The following TAF15 variants were observed in gnomAD, a reference collection of about 807,000 sequenced individuals.
The protein encoded by TAF15 is TATA-binding protein-associated factor 2N.
Under a neutral mutation model 102.5 loss-of-function variants are expected in TAF15, and 37 were observed. The ratio of observed to expected loss-of-function variants is 0.36; its 90% CI spans 0.28 to 0.47. TAF15 has a LOEUF of 0.47. TAF15 is among the 20% of genes least tolerant of loss of function. The pLI is 0.99. For synonymous variants in TAF15, 273 were observed against 259.2 expected (o/e 1.05, Z -0.51); for missense variants, 652 against 760.7 (o/e 0.86, Z 1.68).
chr17:35,818,197 G>A (rs764631740), intron 2 of TAF15, among the ~76,000 whole-genome samples: 46 of 152,162 alleles, frequency 3.0e-4, no homozygotes, highest in African/African-American at 9.2e-4. Context: ...GCAGGTTCAC[G>A]CCATTCTCTG....
chr17:35,816,067 T>C (rs924419433), intron 1 of TAF15, among the ~76,000 whole-genome samples: 1 of 152,176 alleles, frequency 6.6e-6, no homozygotes, highest in Non-Finnish European at 1.5e-5. Flanking sequence ...GCTCAAGCAG[T>C]ACTCCTGTCC....
chr17:35,826,871 T>C (rs1168584170), intron 7 of TAF15, among the ~76,000 whole-genome samples: 2 of 150,488 alleles, frequency 1.3e-5, no homozygotes, highest in Non-Finnish European at 2.9e-5. Flanking sequence ...GTTCATATTA[T>C]TTTTATGTGT....
At chr17:35,839,905 A>G (rs1283543931) in intron 11 of TAF15, among the ~76,000 whole-genome samples, 1 of 152,056 alleles carries the variant, frequency 6.6e-6, no homozygotes, top group African/African-American at 2.4e-5. Context: ...GTTGCACCCT[A>G]ATTTAACAGT....
At chr17:35,820,298 C>T (rs751949377) in intron 4 of TAF15, 34 bp from the exon 5 acceptor site, 3 of 1,613,358 alleles carry the variant, frequency 1.9e-6, no homozygotes, top group East Asian at 2.2e-5. Context: ...AAAATCAGAG[C>T]CTTCACTAAA....
At chr17:35,822,331 T>G in intron 5 of TAF15, among the ~76,000 whole-genome samples, 1 of 141,768 alleles carries the variant, frequency 7.1e-6, no homozygotes, top group Admixed American at 7.2e-5. Context: ...GCAACAAGAG[T>G]GAACCTCTGT....
At position 35,832,090 on chromosome 17, in the gene TAF15, CAAAAAA is replaced by C. The variant is rs372590905; in HGVS notation, c.606-1813_606-1808del. On this transcript the variant is annotated intron_variant, in intron 7 of 15. Transcript: ENST00000605844. ...AAGACTCCGTCTGGGAAAAAACAAA[CAAAAAA>C]AAACCTCTGAGATACCTTGGTTTCT... Among the ~76,000 whole-genome samples the C allele has an allele frequency of 2.9e-3, 433 of 150,820 alleles. 6 individuals are homozygous for C. Among genetic ancestry groups the C allele is most frequent in the African/African-American group, 9.5e-3 (391 of 41,172 alleles).
chr17:35,827,335 CAAAAAAA>C (rs745381454), intron 7 of TAF15, among the ~76,000 whole-genome samples: 1 of 67,086 alleles, frequency 1.5e-5, no homozygotes. Flanking sequence ...GACTCCGTCG[CAAAAAAA>C]AAAAAAAAAA....
chr17:35,819,957 C>G (rs1480579683), intron 2 of TAF15, 67 bp from the exon 3 acceptor site: 3 of 1,416,496 alleles, frequency 2.1e-6, no homozygotes, highest in Non-Finnish European at 2.0e-6. Flanking sequence ...AAAATGAAGG[C>G]AAGGTCTTCA....
At chr17:35,825,596 A>G (rs1215623833) in intron 7 of TAF15, among the ~76,000 whole-genome samples, 1 of 152,224 alleles carries the variant, frequency 6.6e-6, no homozygotes, top group East Asian at 1.9e-4. Flanking sequence ...TTATTAAACT[A>G]TCACTGTGTC....
At chr17:35,834,911 A>T (rs2087456231) in intron 9 of TAF15, among the ~76,000 whole-genome samples, 3 of 151,624 alleles carry the variant, frequency 2.0e-5, no homozygotes. Context: ...ATGCCCTGCT[A>T]ATTTTTGTAT....
chr17:35,827,304 C>T (rs1358862674), intron 7 of TAF15, among the ~76,000 whole-genome samples: 1 of 150,494 alleles, frequency 6.6e-6, no homozygotes. Context: ...CCACTGCACT[C>T]CAACCTGGGC....
At chr17:35,817,416 A>T (rs756879141) in intron 1 of TAF15, 10 of 360,200 alleles carry the variant, frequency 2.8e-5, no homozygotes, top group Non-Finnish European at 4.6e-5. Context: ...TTTTGTATAT[A>T]ATAATATTGC....
At chr17:35,809,655 G>A in intron 1 of TAF15, 79 bp downstream of exon 1, 1 of 1,602,102 alleles carries the variant, frequency 6.2e-7, no homozygotes, top group Non-Finnish European at 8.5e-7. Context: ...CCCACCGGAG[G>A]GCCCTGAGGA....
In TAF15 at chr17:35,847,080, G is replaced by A; in HGVS notation, c.*135G>A. 1 of 761,180 alleles carries A rather than the reference G, an allele frequency of 1.3e-6. No homozygotes were observed. The highest frequency in any genetic ancestry group is 1.5e-5 in the South Asian group (1 of 67,076). 47.2% of individuals were successfully genotyped at this position (761,180 alleles called of 1,614,324 possible). On this transcript the variant is annotated 3_prime_UTR_variant, in exon 16 of 16. Coordinates refer to ENST00000605844, the MANE Select transcript of TAF15 (RefSeq NM_139215.3). ...ATTTGGATTTTTATTTGGGTGGGAGGGCTGGGACAGTTTTTCTTCTAGAAA... is the reference window on the plus strand; with the variant it reads ...ATTTGGATTTTTATTTGGGTGGGAGAGCTGGGACAGTTTTTCTTCTAGAAA...
chr17:35,841,169 A>G (rs2087538543), intron 11 of TAF15, among the ~76,000 whole-genome samples: 1 of 149,656 alleles, frequency 6.7e-6, no homozygotes, highest in African/African-American at 2.5e-5. Flanking sequence ...TTGTTATATT[A>G]CTTTGGAAAT....
chr17:35,818,984 A>G (rs566329013), intron 2 of TAF15, among the ~76,000 whole-genome samples: 5 of 152,280 alleles, frequency 3.3e-5, no homozygotes, highest in African/African-American at 1.2e-4. Context: ...GTAAAAAGGA[A>G]GTTCTATTTT....
At chr17:35,810,095 A>C (rs1418798512) in intron 1 of TAF15, 6 of 210,970 alleles carry the variant, frequency 2.8e-5, no homozygotes, top group Non-Finnish European at 5.8e-5. Context: ...GAGCCCTTTC[A>C]AAGGACGTTG....
In TAF15 at chr17:35,844,271, C is replaced by CT; in HGVS notation, c.1089-6dup. The CT allele has an allele frequency of 6.2e-7, 1 of 1,614,076 alleles. No individual in the cohort carries two copies. Among genetic ancestry groups the CT allele is most frequent in the Non-Finnish European group, 8.5e-7 (1 of 1,179,940 alleles). On this transcript the variant is annotated splice_polypyrimidine_tract_variant and intron_variant, in intron 13 of 15. Coordinates refer to ENST00000605844, the MANE Select transcript of TAF15 (RefSeq NM_139215.3). Reference sequence around the variant, plus strand: ...TATATAGGAGCATTATATTTTCCTCCTTTCTTAGGTCATGCGGAAATATGA... The same window carrying CT: ...TATATAGGAGCATTATATTTTCCTCCTTTTCTTAGGTCATGCGGAAATATGA...
chr17:35,824,241 CTT>C (rs35907284), intron 7 of TAF15, 43 bp downstream of exon 7: 521 of 1,449,866 alleles, frequency 3.6e-4, no homozygotes, highest in Admixed American at 7.3e-4. Context: ...TCTTCTTCCT[CTT>C]TTTTTTTTTT....
Sources: allele counts gnomAD v4.1 joint callset (sites outside exome capture counted in the v4.1 genomes callset), GRCh38; gene constraint gnomAD v4.1.1; transcripts MANE v1.5; gene names NCBI Gene and HGNC (gene_info 2026-07-23, HGNC 2026-07-21).